CTNNBL1: variants seen among roughly 807,000 people sequenced by gnomAD.
CTNNBL1 encodes catenin beta like 1, also known as beta-catenin-like protein 1.
CTNNBL1 carries 31 observed loss-of-function variants against 72.7 expected under a neutral mutation model. The observed-to-expected ratio is 0.43, with a 90% CI of 0.32 to 0.58. The LOEUF (loss-of-function observed/expected upper bound fraction) is 0.58, where lower values mean the gene tolerates loss of function less well. Among genes scored for constraint, CTNNBL1 ranks in the 20% least tolerant of loss-of-function variants. The pLI, the probability that CTNNBL1 is intolerant of heterozygous loss-of-function variation, is 0.08. For synonymous variants in CTNNBL1, 240 were observed against 267.3 expected (o/e 0.90, Z 1.00); for missense variants, 534 against 725.1 (o/e 0.74, Z 3.03).
chr20:37,842,475 C>A, intron 13 of CTNNBL1, 56 bp downstream of exon 13: 1 of 1,188,364 alleles, frequency 8.4e-7, no homozygotes, highest in Non-Finnish European at 1.3e-6. Context: ...GTTTGGGTCC[C>A]TTGTGTTCCT....
intron 11 of CTNNBL1, among the ~76,000 whole-genome samples, chr20:37,824,671 G>A (rs188969704): frequency 3.8e-4 from 58 of 152,318 alleles, no homozygotes; most frequent in African/African-American, 1.2e-3. Flanking sequence ...TGGCAGCTTC[G>A]TGGTGTCATT....
intron 5 of CTNNBL1, among the ~76,000 whole-genome samples, chr20:37,763,740 GA>G (rs2073439324): frequency 6.6e-6 from 1 of 152,254 alleles, no homozygotes; most frequent in East Asian, 1.9e-4. Context: ...GGGATTATGG[GA>G]AAAAGTAGAG....
At chr20:37,733,092 G>A in intron 2 of CTNNBL1, 25 bp downstream of exon 2, 2 of 1,603,818 alleles carry the variant, frequency 1.2e-6, no homozygotes, top group Non-Finnish European at 1.7e-6. Flanking sequence ...CTGGGTGGGA[G>A]CTGAGATGGC....
intron 13 of CTNNBL1, among the ~76,000 whole-genome samples, chr20:37,854,658 G>T (rs908902554): frequency 1.3e-5 from 2 of 150,896 alleles, no homozygotes; most frequent in Non-Finnish European, 2.9e-5. Flanking sequence ...GCGTGATCTT[G>T]GCTCCCTGCA....
intron 4 of CTNNBL1, among the ~76,000 whole-genome samples, chr20:37,755,385 C>T (rs554224395): frequency 1.3e-5 from 2 of 152,150 alleles, no homozygotes; most frequent in South Asian, 2.1e-4. Flanking sequence ...TTGTGTGTTT[C>T]GGTTTACTCT....
chr20:37,844,510 C>G (rs1485365155), intron 13 of CTNNBL1, among the ~76,000 whole-genome samples: 1 of 152,144 alleles, frequency 6.6e-6, no homozygotes, highest in Non-Finnish European at 1.5e-5. Flanking sequence ...AGAGGTGCAA[C>G]GGTCTAGTAG....
At chr20:37,694,345 C>G (rs2072770121) in intron 1 of CTNNBL1, among the ~76,000 whole-genome samples, 193 bp downstream of exon 1, 1 of 152,216 alleles carries the variant, frequency 6.6e-6, no homozygotes, top group Non-Finnish European at 1.5e-5. Flanking sequence ...CATCCCTTCT[C>G]AAGACCTGAG....
At chr20:37,844,147 T>C (rs1051212528) in intron 13 of CTNNBL1, among the ~76,000 whole-genome samples, 2 of 152,158 alleles carry the variant, frequency 1.3e-5, no homozygotes, top group Non-Finnish European at 2.9e-5. Context: ...CCCTGGACTT[T>C]TGTAAGGAAA....
intron 1 of CTNNBL1, among the ~76,000 whole-genome samples, chr20:37,725,922 T>G (rs1281029052): frequency 1.3e-5 from 2 of 151,936 alleles, no homozygotes; most frequent in Non-Finnish European, 2.9e-5. Flanking sequence ...AGGAGGAGAT[T>G]GCAGTGAGCC....
intron 12 of CTNNBL1, among the ~76,000 whole-genome samples, chr20:37,840,512 G>A (rs373839013): frequency 3.9e-5 from 6 of 152,250 alleles, no homozygotes; most frequent in Admixed American, 1.3e-4. Context: ...GTGATTAAGA[G>A]CATTGGCTTT....
intron 10 of CTNNBL1, among the ~76,000 whole-genome samples, chr20:37,797,841 T>A (rs1221547254): frequency 6.6e-6 from 1 of 152,224 alleles, no homozygotes; most frequent in Non-Finnish European, 1.5e-5. Context: ...AGTACCATGC[T>A]CCACTTCCCT....
At chr20:37,725,263 T>C (rs1171561352) in intron 1 of CTNNBL1, among the ~76,000 whole-genome samples, 1 of 151,998 alleles carries the variant, frequency 6.6e-6, no homozygotes, top group Non-Finnish European at 1.5e-5. Context: ...ACCTAACTAT[T>C]AATGGTCAGA....
chr20:37,706,394 A>AT (rs2072885064), intron 1 of CTNNBL1, among the ~76,000 whole-genome samples: 1 of 152,248 alleles, frequency 6.6e-6, no homozygotes, highest in East Asian at 1.9e-4. Flanking sequence ...TTATCATCTA[A>AT]GTTCATGTAA....
At chr20:37,741,582 T>C (rs1026057628) in intron 3 of CTNNBL1, among the ~76,000 whole-genome samples, 1 of 152,228 alleles carries the variant, frequency 6.6e-6, no homozygotes, top group Non-Finnish European at 1.5e-5. Flanking sequence ...TGTAATAGAT[T>C]ATTTATATTT....
At chr20:37,861,359 A>T (rs1053849269) in intron 15 of CTNNBL1, among the ~76,000 whole-genome samples, 1 of 152,166 alleles carries the variant, frequency 6.6e-6, no homozygotes, top group Admixed American at 6.5e-5. Flanking sequence ...CTGAGCTCTG[A>T]ATGCAGCCCC....
chr20:37,837,079 G>A (rs2072260654), intron 11 of CTNNBL1, among the ~76,000 whole-genome samples: 1 of 152,102 alleles, frequency 6.6e-6, no homozygotes, highest in South Asian at 2.1e-4. Flanking sequence ...TTGGCACAAG[G>A]TTACAGAGTT....
chr20:37,871,138 C>T (rs2072580315), intron 15 of CTNNBL1, among the ~76,000 whole-genome samples: 1 of 152,200 alleles, frequency 6.6e-6, no homozygotes, highest in Non-Finnish European at 1.5e-5. Flanking sequence ...TCCCAGATCA[C>T]TGGGCCCCAC....
intron 13 of CTNNBL1, among the ~76,000 whole-genome samples, chr20:37,844,500 A>G (rs914626481): frequency 2.0e-5 from 3 of 152,246 alleles, no homozygotes; most frequent in Non-Finnish European, 4.4e-5. Flanking sequence ...TCTTCTAGAT[A>G]GAGGTGCAAC....
At chr20:37,795,714 T>C (rs570364045) in intron 10 of CTNNBL1, among the ~76,000 whole-genome samples, 1 of 152,336 alleles carries the variant, frequency 6.6e-6, no homozygotes, top group East Asian at 1.9e-4. Flanking sequence ...TTCTCGACTT[T>C]CTTCATTTTA....
Sources: gnomAD v4.1 joint callset for allele counts (sites outside exome capture counted in the v4.1 genomes callset) on GRCh38, gnomAD v4.1.1 for gene constraint, MANE v1.5 for transcripts, NCBI Gene and HGNC (gene_info 2026-07-23, HGNC 2026-07-21) for gene names.